ZNF721: variants seen among roughly 807,000 people sequenced by gnomAD.
ZNF721 encodes zinc finger protein 721.
ZNF721 carries 2 observed loss-of-function variants against 2.4 expected under a neutral mutation model. That is an observed-to-expected ratio of 0.82 (90% confidence interval 0.34 to 2.58). The LOEUF is 2.58. Ranked by LOEUF, ZNF721 falls within the 30% of genes most tolerant of loss-of-function variation. ZNF721 has a pLI of 0.11. For missense variants in ZNF721, 1,187 were observed against 1,085.5 expected (o/e 1.09, Z -1.31); for synonymous variants, 398 against 381.8 (o/e 1.04, Z -0.50).
At chr4:485,960 C>A (rs1490539916) in intron 1 of ZNF721, among the ~76,000 whole-genome samples, 1 of 151,710 alleles carries the variant, frequency 6.6e-6, no homozygotes, top group Admixed American at 6.6e-5. Flanking sequence ...GGCGACAGAG[C>A]GAGACTCCAT....
rs782025225 is a variant in ZNF721, at chr4:441,619, G to A, written c.*76C>T. 100 of 1,264,026 alleles carry A rather than the reference G, an allele frequency of 7.9e-5. No individual in the cohort carries two copies. The highest frequency in any genetic ancestry group is 1.1e-4 in the South Asian group (7 of 64,012). The allele number at this position is 1,264,026 out of a possible 1,614,324, so 78.3% of individuals were successfully genotyped here. The stretch of plus-strand genomic sequence containing the variant: ...AAAGACCGCGACATTCGTCACCTTC[G>A]TAAGACATTCCCCTGGTATGAGTTC... On this transcript the variant is annotated 3_prime_UTR_variant, in exon 3 of 3. Transcript: ENST00000511833.
intron 2 of ZNF721, among the ~76,000 whole-genome samples, chr4:457,725 C>T (rs919772998): frequency 4.6e-5 from 7 of 152,112 alleles, no homozygotes; most frequent in Non-Finnish European, 7.3e-5. Flanking sequence ...TGGATCTTGA[C>T]GTGGCACTAT....
Position 447,805 on chromosome 4 carries a change from T to G in ZNF721, c.35-3373A>C, listed in dbSNP as rs146928566. ...AACTAAAAGTTCAGAAGAAAGGCCA[T>G]TAAACAATAATAAAAACGTTCCTTT... is the stretch of plus-strand genomic sequence containing the variant. On this transcript the variant is annotated intron_variant, in intron 2 of 2. Coordinates refer to ENST00000511833, the MANE Select transcript of ZNF721 (RefSeq NM_133474.4). 3.5e-3 allele frequency among the ~76,000 whole-genome samples: 520 copies of G among 150,528 alleles called. 4 individuals are homozygous for G. The highest frequency in any genetic ancestry group is 0.012 in the African/African-American group (506 of 40,634).
At chr4:462,758 T>C (rs967060740) in intron 2 of ZNF721, among the ~76,000 whole-genome samples, 14 of 152,164 alleles carry the variant, frequency 9.2e-5, no homozygotes, top group Non-Finnish European at 1.8e-4. Flanking sequence ...TAACTCAAGA[T>C]GGATTAAAGA....
rs150548616 is a variant in ZNF721 at position 460,161 on chromosome 4, G to A, written c.34+12414C>T. Among the ~76,000 whole-genome samples the A allele has an allele frequency of 7.1e-3, 1,083 of 152,134 alleles. 10 individuals are homozygous for A. The highest frequency in any genetic ancestry group is 0.024 in the Middle Eastern group (7 of 294). On this transcript the variant is annotated intron_variant, in intron 2 of 2. Transcript: ENST00000511833. ...CATACATTATTCTCGGCACCACATC[G>A]CACTTAATCTAAAGTTGACCACATA...
intron 2 of ZNF721, chr4:453,742 A>G (rs1358622788): frequency 6.6e-6 from 1 of 152,218 alleles, no homozygotes; most frequent in Non-Finnish European, 1.5e-5. Context: ...GTCCGTGACA[A>G]CATTTCTGAA....
At chr4:455,032 G>A (rs1714802706) in intron 2 of ZNF721, among the ~76,000 whole-genome samples, 1 of 152,170 alleles carries the variant, frequency 6.6e-6, no homozygotes, top group Admixed American at 6.5e-5. Context: ...GATGAATGGT[G>A]GACTCTAGAG....
chr4:449,923 G>C (rs1043159780), intron 2 of ZNF721, among the ~76,000 whole-genome samples: 3 of 151,990 alleles, frequency 2.0e-5, no homozygotes, highest in African/African-American at 7.3e-5. Context: ...GAATAGAAAA[G>C]GAAACACATA....
At chr4:482,453 C>T (rs1213573222) in intron 1 of ZNF721, among the ~76,000 whole-genome samples, 2 of 152,086 alleles carry the variant, frequency 1.3e-5, no homozygotes, top group African/African-American at 2.4e-5. Context: ...GCATGAGCCA[C>T]CGCGCCCGGC....
chr4:485,777 C>T (rs1715879762), intron 1 of ZNF721, among the ~76,000 whole-genome samples: 1 of 152,092 alleles, frequency 6.6e-6, no homozygotes, highest in African/African-American at 2.4e-5. Flanking sequence ...AGATCGAGAC[C>T]ATCCTGGCCA....
intron 1 of ZNF721, among the ~76,000 whole-genome samples, chr4:482,145 A>G (rs1463645481): frequency 6.6e-6 from 1 of 152,102 alleles, no homozygotes. Context: ...ATGCATTTTG[A>G]TTTGTTATTT....
chr4:498,075 C>T (rs1173593618), intron 1 of ZNF721, among the ~76,000 whole-genome samples: 2 of 149,982 alleles, frequency 1.3e-5, no homozygotes, highest in African/African-American at 4.9e-5. Flanking sequence ...CGTGGTGGCA[C>T]GCACCTGTAA....
chr4:495,729 A>C (rs1553872133), intron 1 of ZNF721, among the ~76,000 whole-genome samples: 1 of 151,846 alleles, frequency 6.6e-6, no homozygotes, highest in African/African-American at 2.4e-5. Context: ...CAGCCCCCCA[A>C]GTAACTGGGA....
In ZNF721 at chr4:443,517, G is replaced by C; in HGVS notation, c.950C>G (p.Ser317Cys). ...TCTCCTATGTACATAAAGGTTTGCGGACTGTCTAAAGGCTTTGCCACATAC... is the reference window on the plus strand; with the variant it reads ...TCTCCTATGTACATAAAGGTTTGCGCACTGTCTAAAGGCTTTGCCACATAC... The part of the protein sequence containing the change: ...CEVCGKAFRQ[S>C]ANLYVHRRIH... The change falls in exon 3 of 3, where the codon TCC (serine) becomes TGC (cysteine). Residue 317 changes from serine (S) to cysteine (C), a missense_variant. Ser to Cys is a moderately radical substitution (Grantham distance 112, BLOSUM62 -1). Transcript: ENST00000511833. 1 of 1,613,870 alleles carries C rather than the reference G, an allele frequency of 6.2e-7. No individual in the cohort carries two copies. The highest frequency in any genetic ancestry group is 1.3e-5 in the African/African-American group (1 of 74,988).
In ZNF721 at chr4:472,588, G is replaced by GT; in HGVS notation, c.20dup (p.Asn7LysfsTer34). 1 of 1,612,688 alleles carries GT rather than the reference G, an allele frequency of 6.2e-7. No individual in the cohort carries two copies. Among genetic ancestry groups the GT allele is most frequent in the Non-Finnish European group, 8.5e-7 (1 of 1,179,710 alleles). ...AGTTATCCTCACCTAGGGAGACCAG[G>GT]TTTCTGTAGTTCTCCAACATCACAT... On this transcript the variant is annotated frameshift_variant, in exon 2 of 3. Transcript: ENST00000511833. LOFTEE classifies it low-confidence loss of function (END_TRUNC).
At chr4:479,989 G>T (rs1430138018) in intron 1 of ZNF721, among the ~76,000 whole-genome samples, 1 of 151,966 alleles carries the variant, frequency 6.6e-6, no homozygotes, top group Non-Finnish European at 1.5e-5. Context: ...TTTTATGGTA[G>T]GTTTCTTGGT....
intron 1 of ZNF721, among the ~76,000 whole-genome samples, chr4:483,377 G>A (rs1415638932): frequency 7.2e-5 from 11 of 151,896 alleles, no homozygotes; most frequent in African/African-American, 2.2e-4. Flanking sequence ...GTGAAACCCC[G>A]TCTCTACTAA....
chr4:488,787 G>A (rs1715955033), intron 1 of ZNF721, among the ~76,000 whole-genome samples: 1 of 151,856 alleles, frequency 6.6e-6, no homozygotes, highest in Non-Finnish European at 1.5e-5. Context: ...CCGAGATCAC[G>A]CCACTGCATT....
At chr4:482,754 CA>C (rs1231397445) in intron 1 of ZNF721, among the ~76,000 whole-genome samples, 4 of 152,116 alleles carry the variant, frequency 2.6e-5, no homozygotes, top group Non-Finnish European at 5.9e-5. Context: ...CTCAGCCTCC[CA>C]AAGTGCTGGG....
Sources: allele counts gnomAD v4.1 joint callset (sites outside exome capture counted in the v4.1 genomes callset), GRCh38; gene constraint gnomAD v4.1.1; transcripts MANE v1.5; gene names NCBI Gene and HGNC (gene_info 2026-07-23, HGNC 2026-07-21).